The following PEX11G variants were observed in gnomAD, a reference collection of about 807,000 sequenced individuals.
PEX11G encodes the protein peroxisomal membrane protein 11C.
PEX11G carries 20 observed loss-of-function variants against 22.5 expected under a neutral mutation model. That is an observed-to-expected ratio of 0.89 (90% CI 0.62 to 1.29). The LOEUF is 1.29. Ranked by LOEUF, PEX11G falls within the 50% of genes most tolerant of loss-of-function variation. The pLI, the probability that PEX11G is intolerant of heterozygous loss-of-function variation, is 0.00. For synonymous variants in PEX11G, 141 were observed against 154.5 expected (o/e 0.91, Z 0.65); for missense variants, 347 against 331.3 (o/e 1.05, Z -0.37).
chr19:7,484,764 C>A (rs1352885922), intron 2 of PEX11G, among the ~76,000 whole-genome samples: 2 of 149,600 alleles, frequency 1.3e-5, no homozygotes, highest in South Asian at 2.1e-4. Context: ...CAGAGTGAGA[C>A]CTTGTCTCAA....
At chr19:7,492,247 C>T (rs1247760480), upstream of PEX11G, among the ~76,000 whole-genome samples, 1 of 152,112 alleles carries the variant, frequency 6.6e-6, no homozygotes, top group Non-Finnish European at 1.5e-5. Context: ...GAGTAATTGC[C>T]CAACTGTTTC....
At chr19:7,483,914 A>T (rs1480660648) in intron 2 of PEX11G, among the ~76,000 whole-genome samples, 1 of 152,156 alleles carries the variant, frequency 6.6e-6, no homozygotes, top group African/African-American at 2.4e-5. Context: ...CGCCGCAGGG[A>T]CAAGGCTACT....
At chr19:7,490,490 A>ATTTTTTTTTT (rs59322811), upstream of PEX11G, among the ~76,000 whole-genome samples, 8 of 114,888 alleles carry the variant, frequency 7.0e-5, no homozygotes, top group African/African-American at 2.6e-4. Context: ...CGCCTGGGTA[A>ATTTTTTTTTT]TTTTTTTTTT....
upstream of PEX11G, among the ~76,000 whole-genome samples, chr19:7,491,437 T>G (rs145322953): frequency 6.3e-3 from 962 of 151,646 alleles, 10 homozygotes; most frequent in African/African-American, 0.022. Context: ...ACCCGGCTAA[T>G]TTTTGTATTT....
intron 3 of PEX11G, among the ~76,000 whole-genome samples, chr19:7,480,674 G>GC (rs1413093946): frequency 6.6e-6 from 1 of 152,152 alleles, no homozygotes; most frequent in Admixed American, 6.6e-5. Context: ...GGACATCTGT[G>GC]CCGGGGGGAA....
At chr19:7,482,289 G>A in intron 2 of PEX11G, 78 bp from the exon 3 acceptor site, 1 of 1,423,028 alleles carries the variant, frequency 7.0e-7, no homozygotes, top group African/African-American at 1.4e-5. Flanking sequence ...ATGCCAGGTG[G>A]CAGAGAGCTA....
At chr19:7,482,277 C>T in intron 2 of PEX11G, 66 bp from the exon 3 acceptor site, 2 of 1,454,396 alleles carry the variant, frequency 1.4e-6, no homozygotes, top group African/African-American at 2.8e-5. Flanking sequence ...AGCACCGTAG[C>T]CATGCCAGGT....
At chr19:7,484,219 G>T (rs113588324) in intron 2 of PEX11G, among the ~76,000 whole-genome samples, 25,284 of 151,860 alleles carry the variant, frequency 0.17, 2,206 homozygotes, top group Middle Eastern at 0.21. Context: ...AACCAGGTGT[G>T]GTGGTGCACC....
upstream of PEX11G, among the ~76,000 whole-genome samples, chr19:7,490,642 A>ATT (rs749165168): frequency 6.9e-3 from 378 of 55,116 alleles, 57 homozygotes; most frequent in Non-Finnish European, 8.9e-3. Context: ...CCTGGCCTCT[A>ATT]TTTTTTTTTT....
At chr19:7,491,309 A>C (rs187189778), upstream of PEX11G, among the ~76,000 whole-genome samples, 2 of 122,620 alleles carry the variant, frequency 1.6e-5, no homozygotes, top group East Asian at 4.7e-4. Flanking sequence ...TCACTCTGTC[A>C]CCCAGACTGG....
intron 2 of PEX11G, 77 bp downstream of exon 2, chr19:7,485,761 G>A: frequency 6.5e-6 from 9 of 1,374,818 alleles, no homozygotes; most frequent in Non-Finnish European, 7.9e-6. Context: ...GAGCCACTGT[G>A]AGGGGCCAAA....
intron 2 of PEX11G, among the ~76,000 whole-genome samples, chr19:7,483,092 C>A (rs1388433893): frequency 2.8e-5 from 4 of 140,898 alleles, no homozygotes; most frequent in Admixed American, 7.1e-5. Flanking sequence ...CCCCTTGGGA[C>A]CCCGCCCACC....
At position 7,477,262 on chromosome 19, in the gene PEX11G, T is replaced by A. The variant is rs1300710549; in HGVS notation, c.666A>T (p.Ser222=). The A allele has an allele frequency of 6.3e-7, 1 of 1,584,476 alleles. No homozygotes were observed. Among genetic ancestry groups the A allele is most frequent in the Non-Finnish European group, 8.6e-7 (1 of 1,167,730 alleles). The change falls in exon 5 of 5, where the codon TCA becomes TCT. Residue 222 remains serine, a synonymous_variant. Coordinates refer to ENST00000221480, the MANE Select transcript of PEX11G (RefSeq NM_080662.4). ...GGGCCGCCTGGTACATGCTGAGGATTGAGGAGATGGTGCCCATGAGGCCCA... is the reference window on the plus strand; with the variant it reads ...GGGCCGCCTGGTACATGCTGAGGATAGAGGAGATGGTGCCCATGAGGCCCA... ...WLVGLMGTIS[S]ILSMYQAARA...
chr19:7,484,354 C>A (rs1475771470), intron 2 of PEX11G, among the ~76,000 whole-genome samples: 1 of 147,784 alleles, frequency 6.8e-6, no homozygotes, highest in Non-Finnish European at 1.5e-5. Flanking sequence ...ACCCTGTCTC[C>A]AAAAAAAAAG....
Position 7,477,082 on chromosome 19 carries a change from G to C in PEX11G, c.*120C>G. On this transcript the variant is annotated 3_prime_UTR_variant, in exon 5 of 5. Coordinates refer to ENST00000221480, the MANE Select transcript of PEX11G (RefSeq NM_080662.4). Reference sequence around the variant, plus strand: ...TCGCATCAGTCCCTCCACCCACCCTGCCCATGGGTTTCACCACAGGCAGCT... The same window carrying C: ...TCGCATCAGTCCCTCCACCCACCCTCCCCATGGGTTTCACCACAGGCAGCT... 4 of 957,326 alleles carry C rather than the reference G, an allele frequency of 4.2e-6. No individual in the cohort carries two copies. Among genetic ancestry groups the C allele is most frequent in the Non-Finnish European group, 5.8e-6 (4 of 695,280 alleles). The allele number at this position is 957,326 out of a possible 1,614,324, so 59.3% of individuals were successfully genotyped here.
At chr19:7,490,120 A>C (rs540120021), upstream of PEX11G, among the ~76,000 whole-genome samples, 1 of 152,128 alleles carries the variant, frequency 6.6e-6, no homozygotes, top group African/African-American at 2.4e-5. Flanking sequence ...GGCCTCCCAA[A>C]GTGCTGGGAT....
upstream of PEX11G, among the ~76,000 whole-genome samples, chr19:7,490,353 C>T (rs1449739486): frequency 6.6e-6 from 1 of 152,030 alleles, no homozygotes; most frequent in Non-Finnish European, 1.5e-5. Flanking sequence ...CGGAGCCTCG[C>T]TCTGTCGCCC....
chr19:7,492,971 C>G (rs1336797957), upstream of PEX11G: 1 of 152,148 alleles, frequency 6.6e-6, no homozygotes, highest in Non-Finnish European at 1.5e-5. Flanking sequence ...GGGACCCACC[C>G]GATCACACCC....
In PEX11G at chr19:7,488,809, G is replaced by A. The variant is rs186380203; in HGVS notation, c.60+142C>T. 1.9e-3 allele frequency: 1,569 copies of A among 826,014 alleles called. 4 individuals carry two copies. The highest frequency in any genetic ancestry group is 2.6e-3 in the Non-Finnish European group (1,346 of 509,092). 51.2% of individuals were successfully genotyped at this position (826,014 alleles called of 1,614,324 possible). On this transcript the variant is annotated intron_variant, in intron 1 of 4. Transcript: ENST00000221480. ...TAAATACATAAATGTCCAATGCTAG[G>A]GCACCGCATTTGAGCCTAGCTCGGA...
Sources: allele counts gnomAD v4.1 joint callset (sites outside exome capture counted in the v4.1 genomes callset), GRCh38; gene constraint gnomAD v4.1.1; transcripts MANE v1.5; gene names NCBI Gene and HGNC (gene_info 2026-07-23, HGNC 2026-07-21).